PLIN5: variants seen among roughly 807,000 people sequenced by gnomAD.
The protein encoded by PLIN5 is perilipin-5.
A neutral mutation model predicts 32.8 loss-of-function variants in PLIN5; 34 were observed. The observed-to-expected ratio is 1.04, with a 90% CI of 0.79 to 1.38. The LOEUF (loss-of-function observed/expected upper bound fraction) is 1.38, where lower values mean the gene tolerates loss of function less well. PLIN5 is among the 40% of genes most tolerant of loss of function. The probability of loss-of-function intolerance (pLI) is 0.00; values close to 1 mark genes in which losing one functional copy is unlikely to be tolerated. For missense variants in PLIN5, 712 were observed against 660.5 expected (o/e 1.08, Z -0.85); for synonymous variants, 309 against 292.9 (o/e 1.05, Z -0.56).
chr19:4,533,878 G>A, intron 2 of PLIN5, 137 bp downstream of exon 2: 2 of 1,030,434 alleles, frequency 1.9e-6, no homozygotes, highest in Non-Finnish European at 1.4e-6. Flanking sequence ...TCCCCTCCAT[G>A]GACCAAAATA....
Position 4,523,565 on chromosome 19 carries a change from G to A in PLIN5, c.1355C>T (p.Pro452Leu), listed in dbSNP as rs774771330. 5.9e-5 allele frequency: 94 copies of A among 1,593,008 alleles called. No homozygotes were observed. In the Middle Eastern group the frequency reaches 6.7e-4, roughly 11 times the overall value. ...CEQEPETPSC[P>L]VKHTLMPELD... ...CTCGGGCATCAGGGTGTGCTTGACCGGGCAGCTGGGGGTCTCGGGTTCCTG... is the reference window on the plus strand; with the variant it reads ...CTCGGGCATCAGGGTGTGCTTGACCAGGCAGCTGGGGGTCTCGGGTTCCTG... Residue 452 changes from proline (P) to leucine (L), a missense_variant, in exon 8 of 8, where the codon CCG becomes CTG. By Grantham distance (98) the Pro-to-Leu change is moderately conservative. Coordinates refer to ENST00000381848, the MANE Select transcript of PLIN5 (RefSeq NM_001013706.3). The surrounding 1 kb of genome is among the most constrained non-coding windows in gnomAD (Gnocchi z 5.0).
Position 4,529,195 on chromosome 19 carries a change from G to C in PLIN5, c.398C>G (p.Ala133Gly), listed in dbSNP as rs761192960. ...ASSVTGVVDL[A>G]RRGRRWSVEL... Reference sequence around the variant, plus strand: ...CACGCTCCAGCGCCGGCCCCTCCGGGCCAGGTCCACCACACCCGTGACACT... The same window carrying C: ...CACGCTCCAGCGCCGGCCCCTCCGGCCCAGGTCCACCACACCCGTGACACT... Residue 133 changes from alanine (A) to glycine (G), a missense_variant, in exon 5 of 8, where the codon GCC (alanine) becomes GGC (glycine). Ala to Gly is a moderately conservative substitution (Grantham distance 60, BLOSUM62 0). Transcript: ENST00000381848. 1 of 1,612,646 alleles carries C rather than the reference G, an allele frequency of 6.2e-7. No homozygotes were observed. Among genetic ancestry groups the C allele is most frequent in the East Asian group, 2.2e-5 (1 of 44,792 alleles).
chr19:4,525,863 GAC>G lies in PLIN5; in HGVS notation c.521-33_521-32del, dbSNP rs2145322964. ...GGACAGGATACGGGGACAGCACGGG[GAC>G]AGGATACGGGGACAGCACGGGGACA... On this transcript the variant is annotated intron_variant, in intron 5 of 7. Coordinates refer to ENST00000381848, the MANE Select transcript of PLIN5 (RefSeq NM_001013706.3). This position sits in a 1 kb window ranked among gnomAD's most constrained non-coding sequence, Gnocchi z 5.6. The G allele has an allele frequency of 6.6e-7, 1 of 1,506,872 alleles. No individual in the cohort carries two copies. Among genetic ancestry groups the G allele is most frequent in the Admixed American group, 1.9e-5 (1 of 51,954 alleles). The allele number at this position is 1,506,872 out of a possible 1,614,324, so 93.3% of individuals were successfully genotyped here.
Position 4,523,465 on chromosome 19 carries a change from A to AGGGGGCAGCAGGGATCGGG in PLIN5, c.*44_*62dup. On this transcript the variant is annotated 3_prime_UTR_variant, in exon 8 of 8. Coordinates refer to ENST00000381848, the MANE Select transcript of PLIN5 (RefSeq NM_001013706.3). The surrounding 1 kb of genome is among the most constrained non-coding windows in gnomAD (Gnocchi z 5.0). ...GGCCTCGAGCTTACGTGTGGCCACC[A>AGGGGGCAGCAGGGATCGGG]GGGGGCAGCAGGGATCGGGGTGTGC... is the stretch of plus-strand genomic sequence containing the variant. 6.7e-7 allele frequency: 1 copy of AGGGGGCAGCAGGGATCGGG among 1,483,346 alleles called. No homozygotes were observed. The highest frequency in any genetic ancestry group is 9.0e-7 in the Non-Finnish European group (1 of 1,112,526). 91.9% of individuals were successfully genotyped at this position (1,483,346 alleles called of 1,614,324 possible).
Position 4,523,422 on chromosome 19 carries a change from A to C in PLIN5, c.*106T>G, listed in dbSNP as rs953381317. The C allele has an allele frequency of 2.3e-6, 3 of 1,310,822 alleles. No individual in the cohort carries two copies. Among genetic ancestry groups the C allele is most frequent in the African/African-American group, 3.1e-5 (2 of 65,320 alleles). 81.2% of individuals were successfully genotyped at this position (1,310,822 alleles called of 1,614,324 possible). A position where few individuals can be genotyped will look rare whatever the true frequency, so the allele number is the denominator to read the frequency against. On this transcript the variant is annotated 3_prime_UTR_variant, in exon 8 of 8. Coordinates refer to ENST00000381848, the MANE Select transcript of PLIN5 (RefSeq NM_001013706.3). This position sits in a 1 kb window ranked among gnomAD's most constrained non-coding sequence, Gnocchi z 5.0. ...AGATCCGGAGTTGGGCCTGATTCCA[A>C]AGAAGGGTCAAGGCCAAGGCCTCGA...
rs1213128461 is a variant in PLIN5 at position 4,529,095 on chromosome 19, C to T, written c.498G>A (p.Leu166=). Residue 166 remains leucine (L), a synonymous_variant, in exon 5 of 8, where the codon CTG becomes CTA. Transcript: ENST00000381848. ...EKSEELVDHF[L]PMTEEELAAL... ...CACCGAGCTCTTCCTCCGTCATGGG[C>T]AGGAAGTGATCCACCAGCTCCTCTG... 2 of 1,613,100 alleles carry T rather than the reference C, an allele frequency of 1.2e-6. No homozygotes were observed. The highest frequency in any genetic ancestry group is 1.3e-5 in the African/African-American group (1 of 74,908).
Position 4,525,618 on chromosome 19 carries a change from G to C in PLIN5, c.720+15C>G. 6.2e-7 allele frequency: 1 copy of C among 1,611,066 alleles called. No homozygotes were observed. Among genetic ancestry groups the C allele is most frequent in the Admixed American group, 1.7e-5 (1 of 60,014 alleles). On this transcript the variant is annotated intron_variant, in intron 6 of 7. Transcript: ENST00000381848. This position sits in a 1 kb window ranked among gnomAD's most constrained non-coding sequence, Gnocchi z 5.6. ...GGCCTGCATCCCGGAGCAGGGGCGG[G>C]CAGCGGGCTCTCACCAGCTCCAGCG...
intron 5 of PLIN5, among the ~76,000 whole-genome samples, chr19:4,527,973 G>A (rs1976828241): frequency 6.6e-6 from 1 of 150,794 alleles, no homozygotes; most frequent in Admixed American, 6.6e-5. Context: ...GCAGTGGTGC[G>A]ATCTCTGCTC....
In PLIN5 at chr19:4,531,899, T is replaced by C. The variant is rs1391852407; in HGVS notation, c.61-77A>G. On this transcript the variant is annotated intron_variant, in intron 2 of 7. Coordinates refer to ENST00000381848, the MANE Select transcript of PLIN5 (RefSeq NM_001013706.3). ...CACACCTCAACCTACTTCCCCTCTC[T>C]GGGCCAGGACGAGGGATGGGAGAGT... 74 of 1,389,880 alleles carry C rather than the reference T, an allele frequency of 5.3e-5. 1 individual carries two copies. Among genetic ancestry groups the C allele is most frequent in the South Asian group, 4.8e-4 (31 of 64,168 alleles). The allele number at this position is 1,389,880 out of a possible 1,614,324, so 86.1% of individuals were successfully genotyped here.
rs1291529079 is a variant in PLIN5, at chr19:4,524,082, CT to C, written c.837del (p.Glu280SerfsTer11). 2.1e-6 allele frequency: 3 copies of C among 1,423,846 alleles called. No homozygotes were observed. The highest frequency in any genetic ancestry group is 2.7e-6 in the Non-Finnish European group (3 of 1,095,126). 88.2% of individuals were successfully genotyped at this position (1,423,846 alleles called of 1,614,324 possible). On this transcript the variant is annotated frameshift_variant and splice_region_variant, in exon 8 of 8. Transcript: ENST00000381848. LOFTEE classifies it low-confidence loss of function (END_TRUNC). ...RPPESRRRSQ[A>X]ELETLVLSRS... is the part of the protein sequence containing the mutation. ...CGGGACAGCACCAGCGTCTCCAGCT[CT>C]GCCTGCAGGGGGCGGGGACCTCAGT...
At chr19:4,531,987 A>T (rs1466191341) in intron 2 of PLIN5, among the ~76,000 whole-genome samples, 165 bp from the exon 3 acceptor site, 1 of 152,218 alleles carries the variant, frequency 6.6e-6, no homozygotes, top group African/African-American at 2.4e-5. Context: ...TGGATGTGAG[A>T]ATGTCATGGT....
At chr19:4,530,331 G>T (rs142971444) in intron 3 of PLIN5, among the ~76,000 whole-genome samples, 2 of 152,136 alleles carry the variant, frequency 1.3e-5, no homozygotes, top group African/African-American at 4.8e-5. Context: ...ATGGCCCAGC[G>T]GACAGACTCA....
chr19:4,531,574 CGGTGGGGGGGT>C, intron 3 of PLIN5, 42 bp downstream of exon 3: 1 of 1,332,316 alleles, frequency 7.5e-7, no homozygotes, highest in East Asian at 3.0e-5. Flanking sequence ...GGACAGGGGG[CGGTGGGGGGGT>C]GGCAAGCCAC....
chr19:4,526,205 T>TAACG (rs376631195), intron 5 of PLIN5, among the ~76,000 whole-genome samples: 41 of 152,202 alleles, frequency 2.7e-4, no homozygotes, highest in African/African-American at 9.6e-4. Context: ...CCAGGCACGT[T>TAACG]GGTCCCAAAC....
intron 7 of PLIN5, 102 bp from the exon 8 acceptor site, chr19:4,524,187 C>T (rs780072490): frequency 2.2e-5 from 24 of 1,114,366 alleles, no homozygotes; most frequent in South Asian, 1.3e-4. Flanking sequence ...GTCAACCTGT[C>T]TCATAGACCT....
chr19:4,529,876 G>C lies in PLIN5; in HGVS notation c.257-10C>G, dbSNP rs1049936262. ...CTGTTCATAGTGGCCACTGAAGGGA[G>C]AGAGGCGGGGAGTGAGACTCGGGGA... is the stretch of plus-strand genomic sequence containing the variant. On this transcript the variant is annotated splice_polypyrimidine_tract_variant and intron_variant, in intron 3 of 7. Coordinates refer to ENST00000381848, the MANE Select transcript of PLIN5 (RefSeq NM_001013706.3). 1.9e-6 allele frequency: 3 copies of C among 1,577,352 alleles called. No homozygotes were observed. In the Middle Eastern group the frequency reaches 5.1e-4, roughly 271 times the overall value.
chr19:4,530,013 G>A (rs10403749), intron 3 of PLIN5, 147 bp from the exon 4 acceptor site: 10,886 of 471,584 alleles, frequency 0.023, 935 homozygotes, highest in African/African-American at 0.19. Context: ...GAAACAAAAC[G>A]GAATGATGGA....
chr19:4,526,090 C>T (rs1976800035), intron 5 of PLIN5, among the ~76,000 whole-genome samples: 1 of 152,150 alleles, frequency 6.6e-6, no homozygotes, highest in African/African-American at 2.4e-5. Context: ...TCCCCAAACC[C>T]TAAGATGTAG....
At chr19:4,526,696 A>T (rs1489819448) in intron 5 of PLIN5, among the ~76,000 whole-genome samples, 1 of 151,964 alleles carries the variant, frequency 6.6e-6, no homozygotes, top group Non-Finnish European at 1.5e-5. Context: ...AAAAAGAAAT[A>T]CAGAAATTAG....
Sources: allele counts gnomAD v4.1 joint callset (sites outside exome capture counted in the v4.1 genomes callset), GRCh38; gene constraint gnomAD v4.1.1; non-coding constraint Gnocchi (gnomAD v3.1); transcripts MANE v1.5; gene names NCBI Gene and HGNC (gene_info 2026-07-23, HGNC 2026-07-21).